Variants in CRB1 observed in about 807,000 individuals in gnomAD.
CRB1 encodes protein crumbs homolog 1.
Under a neutral mutation model 120.0 loss-of-function variants are expected in CRB1, and 83 were observed. That is an observed-to-expected ratio of 0.69 (90% CI 0.58 to 0.83). The LOEUF is 0.83. CRB1 is among the 40% of genes least tolerant of loss of function. CRB1 has a pLI of 0.00. For missense variants in CRB1, 1,699 were observed against 1,687.6 expected (o/e 1.01, Z -0.12); for synonymous variants, 625 against 612.5 (o/e 1.02, Z -0.30).
chr1:197,418,223 A>G (rs1345848528), intron 5 of CRB1, among the ~76,000 whole-genome samples: 1 of 152,228 alleles, frequency 6.6e-6, no homozygotes, highest in African/African-American at 2.4e-5. Context: ...AAGTTTAAGT[A>G]AAATATCTTC....
intron 1 of CRB1, among the ~76,000 whole-genome samples, chr1:197,313,859 T>A (rs1657691043): frequency 6.6e-6 from 1 of 152,238 alleles, no homozygotes; most frequent in South Asian, 2.1e-4. Context: ...ATATCTCGCC[T>A]ATTGTGAACA....
chr1:197,267,230 A>G (rs1415210393), upstream of CRB1, among the ~76,000 whole-genome samples: 1 of 152,208 alleles, frequency 6.6e-6, no homozygotes, highest in Non-Finnish European at 1.5e-5. Flanking sequence ...AAATTGCCCA[A>G]GTTAAATTAT....
chr1:197,235,862 G>A, the CRB1 span, among the ~76,000 whole-genome samples: 5 of 152,094 alleles, frequency 3.3e-5, no homozygotes, highest in African/African-American at 9.7e-5. Context: ...ATGGGTATTC[G>A]TGCTTCTGAA....
At chr1:197,449,846 G>C (rs1345576580) in intron 11 of CRB1, among the ~76,000 whole-genome samples, 2 of 152,190 alleles carry the variant, frequency 1.3e-5, no homozygotes, top group Non-Finnish European at 2.9e-5. Context: ...AGAGATTTGA[G>C]CAGAAATCAT....
At chr1:197,392,618 G>T (rs1571459213) in intron 5 of CRB1, among the ~76,000 whole-genome samples, 2 of 152,152 alleles carry the variant, frequency 1.3e-5, no homozygotes, top group African/African-American at 2.4e-5. Flanking sequence ...AGAGAAACAG[G>T]ATAAATATTT....
chr1:197,336,448 TATATC>T (rs1659160463), intron 2 of CRB1, among the ~76,000 whole-genome samples: 1 of 148,122 alleles, frequency 6.8e-6, no homozygotes, highest in South Asian at 2.1e-4. Flanking sequence ...ATAATATTAT[TATATC>T]AAAGAAAAAT....
intron 11 of CRB1, among the ~76,000 whole-genome samples, chr1:197,467,683 C>T (rs1240721480): frequency 6.6e-6 from 1 of 152,082 alleles, no homozygotes; most frequent in Non-Finnish European, 1.5e-5. Flanking sequence ...ATATTTATCC[C>T]TTGTCTTCTA....
chr1:197,470,938 T>A (rs1320482265), intron 11 of CRB1, among the ~76,000 whole-genome samples: 1 of 152,216 alleles, frequency 6.6e-6, no homozygotes, highest in Non-Finnish European at 1.5e-5. Context: ...AGAGGAAATA[T>A]GTCATGCTTG....
At chr1:197,338,915 GGCACTGCTGATTGTAAAGT>G (rs1235929843) in intron 2 of CRB1, among the ~76,000 whole-genome samples, 1 of 152,104 alleles carries the variant, frequency 6.6e-6, no homozygotes, top group Non-Finnish European at 1.5e-5. Context: ...AAGAGGCTAA[GGCACTGCTGATTGTAAAGT>G]GCATCTCGGT....
intron 5 of CRB1, among the ~76,000 whole-genome samples, chr1:197,395,280 T>C (rs1237784824): frequency 1.3e-5 from 2 of 152,140 alleles, no homozygotes; most frequent in Non-Finnish European, 2.9e-5. Flanking sequence ...TGAAATAACT[T>C]TCTACAAGTT....
chr1:197,227,660 A>G, the CRB1 span, among the ~76,000 whole-genome samples: 2,181 of 152,022 alleles, frequency 0.014, 54 homozygotes, highest in African/African-American at 0.047. Flanking sequence ...ACAAGCTGTC[A>G]GTGGATCTAC....
intron 1 of CRB1, among the ~76,000 whole-genome samples, chr1:197,297,823 AAAAAGAATAG>A (rs1656623863): frequency 6.6e-6 from 1 of 152,102 alleles, no homozygotes; most frequent in South Asian, 2.1e-4. Context: ...TGAAGCTATA[AAAAAGAATAG>A]CTTTTAAGAG....
intron 2 of CRB1, among the ~76,000 whole-genome samples, chr1:197,339,552 C>T (rs902979240): frequency 6.6e-6 from 1 of 152,122 alleles, no homozygotes; most frequent in African/African-American, 2.4e-5. Flanking sequence ...ATTTCCAAAG[C>T]GTGGACTCTG....
chr1:197,204,157 A>T, the CRB1 span, among the ~76,000 whole-genome samples: 2 of 152,358 alleles, frequency 1.3e-5, no homozygotes, highest in African/African-American at 4.8e-5. Flanking sequence ...TCCATAATAT[A>T]TATGTATACT....
the CRB1 span, among the ~76,000 whole-genome samples, chr1:197,211,039 G>C: frequency 1.3e-5 from 2 of 152,128 alleles, no homozygotes; most frequent in Non-Finnish European, 2.9e-5. Flanking sequence ...ATGTTTTTCA[G>C]TAGCATCACA....
the CRB1 span, among the ~76,000 whole-genome samples, chr1:197,221,882 GT>G: frequency 6.6e-6 from 1 of 152,080 alleles, no homozygotes; most frequent in African/African-American, 2.4e-5. Context: ...ACAAGAATAG[GT>G]GATGCTTCAA....
At chr1:197,411,499 T>C (rs1663711057) in intron 5 of CRB1, among the ~76,000 whole-genome samples, 1 of 152,196 alleles carries the variant, frequency 6.6e-6, no homozygotes, top group Non-Finnish European at 1.5e-5. Flanking sequence ...TCACCTCAAG[T>C]GAAAAGAGTT....
intron 1 of CRB1, among the ~76,000 whole-genome samples, chr1:197,301,024 G>GAAA (rs200109663): frequency 6.8e-6 from 1 of 147,270 alleles, no homozygotes; most frequent in South Asian, 2.2e-4. Context: ...TAATGCTCAG[G>GAAA]AAAAAAAAAA....
At chr1:197,246,279 A>T in the CRB1 span, among the ~76,000 whole-genome samples, 86 of 152,122 alleles carry the variant, frequency 5.7e-4, no homozygotes, top group Non-Finnish European at 2.2e-4. Flanking sequence ...GGAGTAGAAC[A>T]GTTACAGTAT....
Sources: gnomAD v4.1 joint callset for allele counts (sites outside exome capture counted in the v4.1 genomes callset) on GRCh38, gnomAD v4.1.1 for gene constraint, MANE v1.5 for transcripts, NCBI Gene and HGNC (gene_info 2026-07-23, HGNC 2026-07-21) for gene names.